The following HS6ST3 variants were observed in gnomAD, a reference collection of about 807,000 sequenced individuals.
The protein encoded by HS6ST3 is heparan sulfate 6-O-sulfotransferase 3.
In HS6ST3, 12 loss-of-function variants were observed where a neutral mutation model predicts 36.7. That is an observed-to-expected ratio of 0.33 (90% CI 0.21 to 0.53). The LOEUF is 0.53. Among genes scored for constraint, HS6ST3 ranks in the 20% least tolerant of loss-of-function variants. The pLI is 0.95. For missense variants in HS6ST3, 584 were observed against 640.9 expected, an observed-to-expected ratio of 0.91 and a Z score of 0.96; for synonymous variants, 240 against 257.5, an observed-to-expected ratio of 0.93 and a Z score of 0.65.
intron 1 of HS6ST3, among the ~76,000 whole-genome samples, chr13:96,493,300 C>G (rs1046357472): frequency 4.6e-5 from 7 of 152,116 alleles, no homozygotes; most frequent in Admixed American, 2.0e-4. Flanking sequence ...CTCAAGGTTT[C>G]TCTCAAAGAT....
At chr13:96,422,154 TA>T (rs1480079206) in intron 1 of HS6ST3, among the ~76,000 whole-genome samples, 1 of 152,184 alleles carries the variant, frequency 6.6e-6, no homozygotes. Context: ...TCTCAGCCAG[TA>T]AGAGCGATGG....
At position 96,837,347 on chromosome 13, in the gene HS6ST3, T is replaced by C. The variant is rs1435878520; in HGVS notation, c.*4149T>C. 1.3e-5 allele frequency: 2 copies of C among 152,250 alleles called. No individual in the cohort carries two copies. Among genetic ancestry groups the C allele is most frequent in the African/African-American group, 4.8e-5 (2 of 41,478 alleles). 9.4% of individuals were successfully genotyped at this position (152,250 alleles called of 1,614,324 possible). A position where few individuals can be genotyped will look rare whatever the true frequency, so the allele number is the denominator to read the frequency against. ...TCATTTGGTCCTCATTACATTCTTGTGTGCTAAATAGGACCTCTATTCATT... is the reference window on the plus strand; with the variant it reads ...TCATTTGGTCCTCATTACATTCTTGCGTGCTAAATAGGACCTCTATTCATT... On this transcript the variant is annotated 3_prime_UTR_variant, in exon 2 of 2. Transcript: ENST00000376705.
At chr13:96,730,898 A>G (rs1876134358) in intron 1 of HS6ST3, among the ~76,000 whole-genome samples, 1 of 152,054 alleles carries the variant, frequency 6.6e-6, no homozygotes, top group Admixed American at 6.6e-5. Flanking sequence ...GACTCAGAGA[A>G]TTTTTTAAAT....
intron 1 of HS6ST3, among the ~76,000 whole-genome samples, chr13:96,665,230 T>G (rs888648055): frequency 1.3e-5 from 2 of 152,152 alleles, no homozygotes; most frequent in African/African-American, 2.4e-5. Flanking sequence ...ACCCAAAGCT[T>G]CTTCATTCTT....
intron 1 of HS6ST3, among the ~76,000 whole-genome samples, chr13:96,689,156 C>T (rs1874867542): frequency 1.3e-5 from 2 of 152,000 alleles, no homozygotes; most frequent in African/African-American, 4.8e-5. Flanking sequence ...GTACAGTCTT[C>T]AAAGGAGTGT....
At chr13:96,340,367 T>C (rs1671949701) in intron 1 of HS6ST3, among the ~76,000 whole-genome samples, 1 of 152,202 alleles carries the variant, frequency 6.6e-6, no homozygotes, top group African/African-American at 2.4e-5. Context: ...TTTACACTGC[T>C]CCCTTGAGCA....
chr13:96,704,504 A>T (rs576715610), intron 1 of HS6ST3, among the ~76,000 whole-genome samples: 2 of 152,236 alleles, frequency 1.3e-5, no homozygotes, highest in Non-Finnish European at 2.9e-5. Context: ...AAAGATCAGA[A>T]ATCAAGATGG....
At chr13:96,593,162 TTTTC>T (rs1566406157) in intron 1 of HS6ST3, among the ~76,000 whole-genome samples, 14 of 140,456 alleles carry the variant, frequency 1.0e-4, no homozygotes, top group African/African-American at 3.4e-4. Flanking sequence ...TGACTGTGTA[TTTTC>T]TTTCTTTCTT....
At chr13:96,799,950 A>ATATATATATGTGTG (rs1566456750) in intron 1 of HS6ST3, among the ~76,000 whole-genome samples, 19 of 85,656 alleles carry the variant, frequency 2.2e-4, no homozygotes, top group Non-Finnish European at 3.3e-4. Context: ...GTGTGTATAT[A>ATATATATATGTGTG]TATATATATA....
intron 1 of HS6ST3, among the ~76,000 whole-genome samples, chr13:96,775,352 C>T (rs1877361219): frequency 6.6e-6 from 1 of 151,354 alleles, no homozygotes; most frequent in African/African-American, 2.4e-5. Context: ...TAAATGTAAA[C>T]AGGTTAAATG....
At chr13:96,158,080 C>T (rs1213331472) in intron 1 of HS6ST3, among the ~76,000 whole-genome samples, 1 of 152,110 alleles carries the variant, frequency 6.6e-6, no homozygotes, top group African/African-American at 2.4e-5. Context: ...TGAGAGAAAG[C>T]CTCACAAAGT....
rs530512440 is a variant in HS6ST3 at position 96,765,795 on chromosome 13, G to A, written c.708-66695G>A. 7.9e-5 allele frequency among the ~76,000 whole-genome samples: 12 copies of A among 152,094 alleles called. No homozygotes were observed. The East Asian group carries it at 9.7e-4, about 12-fold the overall frequency. ...AGAGCATTTTTTTTTTCTTTTAGGAGTGTTGGCAGGTGTTTTACTATGAAA... is the reference window on the plus strand; with the variant it reads ...AGAGCATTTTTTTTTTCTTTTAGGAATGTTGGCAGGTGTTTTACTATGAAA... On this transcript the variant is annotated intron_variant, in intron 1 of 1. Coordinates refer to ENST00000376705, the MANE Select transcript of HS6ST3 (RefSeq NM_153456.4).
At chr13:96,272,348 A>G (rs2054725397) in intron 1 of HS6ST3, among the ~76,000 whole-genome samples, 1 of 151,998 alleles carries the variant, frequency 6.6e-6, no homozygotes. Flanking sequence ...CAACCTTTTA[A>G]AATATTCTGT....
chr13:96,602,297 C>A (rs541124959), intron 1 of HS6ST3, among the ~76,000 whole-genome samples: 1 of 152,252 alleles, frequency 6.6e-6, no homozygotes, highest in South Asian at 2.1e-4. Context: ...TGGCCAGTTG[C>A]TGGCATCTTA....
intron 1 of HS6ST3, among the ~76,000 whole-genome samples, chr13:96,751,647 T>C (rs1052382333): frequency 6.6e-6 from 1 of 152,092 alleles, no homozygotes; most frequent in Non-Finnish European, 1.5e-5. Context: ...GGACTCCTAA[T>C]GTGTTCCAAG....
intron 1 of HS6ST3, among the ~76,000 whole-genome samples, chr13:96,276,871 T>G (rs1376265260): frequency 6.6e-6 from 1 of 152,158 alleles, no homozygotes; most frequent in Non-Finnish European, 1.5e-5. Context: ...CACCATGTAT[T>G]AGTTTGCTTT....
chr13:96,679,257 A>G (rs925678048), intron 1 of HS6ST3, among the ~76,000 whole-genome samples: 1 of 151,664 alleles, frequency 6.6e-6, no homozygotes, highest in African/African-American at 2.4e-5. Flanking sequence ...GAATGCTAAC[A>G]TCGTAGTATC....
intron 1 of HS6ST3, among the ~76,000 whole-genome samples, chr13:96,228,105 G>A (rs531669956): frequency 6.6e-6 from 1 of 152,182 alleles, no homozygotes; most frequent in East Asian, 1.9e-4. Flanking sequence ...CAGGCTTTGT[G>A]GGCCATATAT....
chr13:96,259,900 G>A (rs1433475802), intron 1 of HS6ST3, among the ~76,000 whole-genome samples: 1 of 151,904 alleles, frequency 6.6e-6, no homozygotes, highest in East Asian at 1.9e-4. Context: ...CTATTATAAA[G>A]TTTAAACTGT....
Sources: allele counts gnomAD v4.1 joint callset (sites outside exome capture counted in the v4.1 genomes callset), GRCh38; gene constraint gnomAD v4.1.1; transcripts MANE v1.5; gene names NCBI Gene and HGNC (gene_info 2026-07-23, HGNC 2026-07-21).